MRTFA: variants seen among roughly 807,000 people sequenced by gnomAD.
The protein encoded by MRTFA is myocardin-related transcription factor A.
Under a neutral mutation model 83.5 loss-of-function variants are expected in MRTFA, and 20 were observed. That is an observed-to-expected ratio of 0.24 (90% confidence interval 0.17 to 0.35). The LOEUF (loss-of-function observed/expected upper bound fraction) is 0.35. Ranked by LOEUF, MRTFA falls within the 10% of genes least tolerant of loss-of-function variation. MRTFA has a pLI of 1.00. For synonymous variants in MRTFA, 659 were observed against 541.2 expected, an observed-to-expected ratio of 1.22 and a Z score of -3.02; for missense variants, 1,200 against 1,224.7, an observed-to-expected ratio of 0.98 and a Z score of 0.30.
chr22:40,483,958 C>T (rs767523200), intron 3 of MRTFA, among the ~76,000 whole-genome samples: 6 of 152,038 alleles, frequency 3.9e-5, no homozygotes, highest in Non-Finnish European at 7.4e-5. Context: ...CCGCTCACCT[C>T]AACCTCCCAA....
chr22:40,530,657 A>T (rs992944521), intron 3 of MRTFA, among the ~76,000 whole-genome samples: 3 of 152,276 alleles, frequency 2.0e-5, no homozygotes, highest in African/African-American at 7.2e-5. Flanking sequence ...ATGTTTCCAT[A>T]GTAGTGAGAA....
chr22:40,577,474 A>G (rs1412270925), intron 2 of MRTFA, among the ~76,000 whole-genome samples: 1 of 152,128 alleles, frequency 6.6e-6, no homozygotes, highest in Non-Finnish European at 1.5e-5. Context: ...CACCATTTTC[A>G]CTTCAAACAT....
At chr22:40,502,034 A>C (rs1602346767) in intron 3 of MRTFA, among the ~76,000 whole-genome samples, 4 of 107,620 alleles carry the variant, frequency 3.7e-5, no homozygotes, top group South Asian at 3.3e-4. Context: ...CGGGGGGCTG[A>C]CCCCCCCACC....
chr22:40,469,057 A>G lies in MRTFA; in HGVS notation c.242-5771T>C, dbSNP rs985156699. ...GCATTTCTACATTTTAATAAATTGC[A>G]TGGTGCTTATTTAACTAACTTTGAA... is the stretch of plus-strand genomic sequence containing the variant. On this transcript the variant is annotated intron_variant, in intron 3 of 14. Coordinates refer to ENST00000355630, the MANE Select transcript of MRTFA (RefSeq NM_020831.6). Among the ~76,000 whole-genome samples, 4 of 152,216 alleles carry G rather than the reference A, an allele frequency of 2.6e-5. No homozygotes were observed. The South Asian group carries it at 8.3e-4, about 32-fold the overall frequency.
intron 3 of MRTFA, among the ~76,000 whole-genome samples, chr22:40,543,326 G>A (rs2055318248): frequency 6.6e-6 from 1 of 152,138 alleles, no homozygotes; most frequent in Admixed American, 6.6e-5. Context: ...AAAGGATACA[G>A]TTCGTACCCT....
chr22:40,459,545 C>A, intron 4 of MRTFA, among the ~76,000 whole-genome samples: 1 of 151,690 alleles, frequency 6.6e-6, no homozygotes. Flanking sequence ...AGAGAACAAC[C>A]CAAAGTATAC....
chr22:40,544,952 A>AAAT (rs1569321371), intron 3 of MRTFA, among the ~76,000 whole-genome samples: 1 of 150,252 alleles, frequency 6.7e-6, no homozygotes, highest in African/African-American at 2.4e-5. Flanking sequence ...ATAAATAAAT[A>AAAT]AAATAAATAT....
chr22:40,612,505 C>T (rs962759632), intron 1 of MRTFA, among the ~76,000 whole-genome samples: 2 of 152,122 alleles, frequency 1.3e-5, no homozygotes, highest in African/African-American at 4.8e-5. Flanking sequence ...TTTGTTTAGT[C>T]CACAGAGTAT....
intron 4 of MRTFA, among the ~76,000 whole-genome samples, chr22:40,457,604 G>A (rs930777151): frequency 1.3e-5 from 2 of 151,918 alleles, no homozygotes; most frequent in African/African-American, 4.8e-5. Context: ...TCTGCTATGG[G>A]TGCACAGGAA....
At chr22:40,517,634 A>G (rs1201040023) in intron 3 of MRTFA, among the ~76,000 whole-genome samples, 1 of 152,188 alleles carries the variant, frequency 6.6e-6, no homozygotes, top group Non-Finnish European at 1.5e-5. Flanking sequence ...TAATAAATAT[A>G]TATTTGGTCT....
intron 9 of MRTFA, among the ~76,000 whole-genome samples, chr22:40,422,806 C>G (rs2052869180): frequency 1.3e-5 from 2 of 152,210 alleles, no homozygotes; most frequent in Admixed American, 1.3e-4. Context: ...TCAGCCTCTC[C>G]TGAGGCTCAG....
At chr22:40,446,913 T>C (rs1353767858) in intron 4 of MRTFA, among the ~76,000 whole-genome samples, 1 of 152,214 alleles carries the variant, frequency 6.6e-6, no homozygotes, top group Non-Finnish European at 1.5e-5. Context: ...TCGTGGAGCT[T>C]ATACTTAATT....
intron 4 of MRTFA, among the ~76,000 whole-genome samples, chr22:40,449,274 GAAAAAA>G (rs35140973): frequency 1.0e-4 from 9 of 88,004 alleles, no homozygotes; most frequent in African/African-American, 3.7e-4. Context: ...CTCCAAACGA[GAAAAAA>G]AAAAAAAAAA....
At position 40,624,934 on chromosome 22, in the gene MRTFA, T is replaced by A. The variant is rs2056564647; in HGVS notation, c.-84+11544A>T. Reference sequence around the variant, plus strand: ...AGGGTCATTCATGCTACAGAGTGTCTGATCTAGGAAAATGATTAATCCACT... The same window carrying A: ...AGGGTCATTCATGCTACAGAGTGTCAGATCTAGGAAAATGATTAATCCACT... On this transcript the variant is annotated intron_variant, in intron 1 of 14. Coordinates refer to ENST00000355630, the MANE Select transcript of MRTFA (RefSeq NM_020831.6). 3.3e-5 allele frequency among the ~76,000 whole-genome samples: 5 copies of A among 152,308 alleles called. No homozygotes were observed. In the South Asian group the frequency reaches 1.0e-3, roughly 32 times the overall value.
At chr22:40,445,738 CG>C (rs2053364750) in intron 4 of MRTFA, among the ~76,000 whole-genome samples, 1 of 152,100 alleles carries the variant, frequency 6.6e-6, no homozygotes, top group Non-Finnish European at 1.5e-5. Context: ...TTAGTAAAGA[CG>C]GGGTTTCACC....
chr22:40,411,919 T>C lies in MRTFA; in HGVS notation c.2579-12A>G, dbSNP rs1358526464. On this transcript the variant is annotated splice_polypyrimidine_tract_variant and intron_variant, in intron 14 of 14. Coordinates refer to ENST00000355630, the MANE Select transcript of MRTFA (RefSeq NM_020831.6). ...ATCTGCTGAAATTTCTGCCAATCAA[T>C]CAAGAGAGTAAATGGATATCAGAAG... The C allele has an allele frequency of 6.8e-6, 10 of 1,477,498 alleles. No homozygotes were observed. Among genetic ancestry groups the C allele is most frequent in the Non-Finnish European group, 9.0e-6 (10 of 1,112,550 alleles). 91.5% of individuals were successfully genotyped at this position (1,477,498 alleles called of 1,614,324 possible).
At chr22:40,492,158 A>T (rs2054282267) in intron 3 of MRTFA, among the ~76,000 whole-genome samples, 1 of 152,144 alleles carries the variant, frequency 6.6e-6, no homozygotes, top group African/African-American at 2.4e-5. Flanking sequence ...CAATGCTGCA[A>T]TAAACCACTC....
At chr22:40,495,389 T>G (rs953716185) in intron 3 of MRTFA, among the ~76,000 whole-genome samples, 2 of 147,812 alleles carry the variant, frequency 1.4e-5, no homozygotes, top group African/African-American at 2.5e-5. Flanking sequence ...GAGGTGGAGG[T>G]TGCAGTGAGC....
At chr22:40,460,775 G>T (rs1246479369) in intron 4 of MRTFA, among the ~76,000 whole-genome samples, 1 of 152,150 alleles carries the variant, frequency 6.6e-6, no homozygotes, top group Non-Finnish European at 1.5e-5. Flanking sequence ...TTTAAGAACT[G>T]GGGGTAGAGA....
Sources: allele counts gnomAD v4.1 joint callset (sites outside exome capture counted in the v4.1 genomes callset), GRCh38; gene constraint gnomAD v4.1.1; transcripts MANE v1.5; gene names NCBI Gene and HGNC (gene_info 2026-07-23, HGNC 2026-07-21).